The following HERPUD1 variants were observed in gnomAD, a reference collection of about 807,000 sequenced individuals.
HERPUD1 encodes homocysteine-responsive endoplasmic reticulum-resident ubiquitin-like domain member 1 protein.
A neutral mutation model predicts 45.0 loss-of-function variants in HERPUD1; 17 were observed. The ratio of observed to expected loss-of-function variants is 0.38; its 90% CI spans 0.26 to 0.57. The LOEUF is 0.57. Ranked by LOEUF, HERPUD1 falls within the 20% of genes least tolerant of loss-of-function variation. The pLI, the probability that HERPUD1 is intolerant of heterozygous loss-of-function variation, is 0.72. For synonymous variants in HERPUD1, 164 were observed against 177.5 expected (o/e 0.92, Z 0.61); for missense variants, 420 against 490.5 (o/e 0.86, Z 1.36).
Position 56,940,075 on chromosome 16 carries a change from G to T in HERPUD1, c.735G>T (p.Arg245=), listed in dbSNP as rs749924913. Residue 245 remains arginine (R), a synonymous_variant, in exon 6 of 8, where the codon CGG becomes CGT. Transcript: ENST00000439977. ...VVNPGANQNL[R]MNAQGGPIVE... ...ATCCTGGAGCCAATCAAAATTTGCG[G>T]ATGAATGCACAAGGTGGCCCTATTG... is the stretch of plus-strand genomic sequence containing the variant. The T allele has an allele frequency of 6.2e-7, 1 of 1,614,084 alleles. No individual in the cohort carries two copies. Among genetic ancestry groups the T allele is most frequent in the Non-Finnish European group, 8.5e-7 (1 of 1,180,046 alleles).
At chr16:56,939,213 G>A in intron 4 of HERPUD1, 24 bp from the exon 5 acceptor site, 1 of 1,610,602 alleles carries the variant, frequency 6.2e-7, no homozygotes, top group East Asian at 2.2e-5. Context: ...CTCAAAATGA[G>A]TGTTTTTTCA....
rs759345952 is a variant in HERPUD1, at chr16:56,932,283, G to A, written c.39G>A (p.Leu13=). Reference sequence around the variant, plus strand: ...CCGAACCCGAGCCCGTCACGCTCCTGGTGAAGAGCCCCAACCAGCGCCACC... The same window carrying A: ...CCGAACCCGAGCCCGTCACGCTCCTAGTGAAGAGCCCCAACCAGCGCCACC... The part of the protein sequence containing the change: ...SETEPEPVTL[L]VKSPNQRHRD... The change falls in exon 1 of 8, where the codon CTG becomes CTA. Residue 13 remains leucine, a synonymous_variant. Coordinates refer to ENST00000439977, the MANE Select transcript of HERPUD1 (RefSeq NM_014685.4). The A allele has an allele frequency of 4.3e-6, 7 of 1,609,216 alleles. No homozygotes were observed. The South Asian group carries it at 7.7e-5, about 18-fold the overall frequency.
intron 1 of HERPUD1, among the ~76,000 whole-genome samples, chr16:56,934,567 G>A (rs968255394): frequency 1.1e-4 from 17 of 152,040 alleles, no homozygotes; most frequent in African/African-American, 3.9e-4. Flanking sequence ...GGCTGGCCTT[G>A]GGAGTTCTCT....
At chr16:56,937,021 A>C (rs2055872110) in intron 4 of HERPUD1, 3 of 418,564 alleles carry the variant, frequency 7.2e-6, no homozygotes, top group East Asian at 4.1e-5. Flanking sequence ...AAATTTAAAA[A>C]GTAGGTAATG....
In HERPUD1 at chr16:56,944,085, A is replaced by C. The variant is rs1198511285; in HGVS notation, c.*795A>C. 6.5e-6 allele frequency: 1 copy of C among 154,588 alleles called. No individual in the cohort carries two copies. The highest frequency in any genetic ancestry group is 1.4e-5 in the Non-Finnish European group (1 of 69,486). The allele number at this position is 154,588 out of a possible 1,614,324, so 9.6% of individuals were successfully genotyped here. The stretch of plus-strand genomic sequence containing the variant: ...GGTCTTGCTTTGTTCCTTGGGCCAG[A>C]GTACATTGGCTACTCACAAGTGGGC... On this transcript the variant is annotated 3_prime_UTR_variant, in exon 8 of 8. Coordinates refer to ENST00000439977, the MANE Select transcript of HERPUD1 (RefSeq NM_014685.4).
At chr16:56,941,581 G>T (rs1482340958) in intron 6 of HERPUD1, 1 of 152,018 alleles carries the variant, frequency 6.6e-6, no homozygotes, top group African/African-American at 2.4e-5. Flanking sequence ...TAGTAAAAAT[G>T]GATTTTTATT....
At position 56,936,730 on chromosome 16, in the gene HERPUD1, A is replaced by G. The variant is rs1374749982; in HGVS notation, c.344A>G (p.Gln115Arg). 9 of 1,613,816 alleles carry G rather than the reference A, an allele frequency of 5.6e-6. No individual in the cohort carries two copies. The highest frequency in any genetic ancestry group is 5.3e-5 in the African/African-American group (4 of 74,924). The change falls in exon 4 of 8, where the codon CAG (glutamine) becomes CGG (arginine). Residue 115 changes from glutamine (Q) to arginine (R), a missense_variant. Gln to Arg is a conservative substitution (Grantham distance 43). Coordinates refer to ENST00000439977, the MANE Select transcript of HERPUD1 (RefSeq NM_014685.4). Reference protein sequence around the residue: ...TEEPAGSNRGQYPEDSSSDGL... With the variant: ...TEEPAGSNRGRYPEDSSSDGL... ...GAGCCTGCTGGTTCTAATCGGGGAC[A>G]GTATCCTGAGGATTCCTCAAGTGAT...
In HERPUD1 at chr16:56,944,744, A is replaced by C. The variant is rs549275796; in HGVS notation, c.*1454A>C. The C allele has an allele frequency of 6.6e-6, 1 of 152,246 alleles. No individual in the cohort carries two copies. The highest frequency in any genetic ancestry group is 2.4e-5 in the African/African-American group (1 of 41,446). 9.4% of individuals were successfully genotyped at this position (152,246 alleles called of 1,614,324 possible). On this transcript the variant is annotated 3_prime_UTR_variant, in exon 8 of 8. Transcript: ENST00000439977. ...CGGCCTCCCAAAGTGCTGGGATTACAGATGTGAGCCACCGCACCCAGCCAG... is the reference window on the plus strand; with the variant it reads ...CGGCCTCCCAAAGTGCTGGGATTACCGATGTGAGCCACCGCACCCAGCCAG...
chr16:56,935,513 A>T, intron 3 of HERPUD1, 38 bp downstream of exon 3: 1 of 1,543,274 alleles, frequency 6.5e-7, no homozygotes, highest in East Asian at 2.2e-5. Context: ...AATTTGTATC[A>T]TTCAGACTTT....
chr16:56,935,566 G>A, intron 3 of HERPUD1, 91 bp downstream of exon 3: 1 of 1,044,640 alleles, frequency 9.6e-7, no homozygotes, highest in East Asian at 2.4e-5. Flanking sequence ...TTTATTGAGA[G>A]ACTGTATGGT....
At chr16:56,940,644 T>C (rs1254666917) in intron 6 of HERPUD1, among the ~76,000 whole-genome samples, 1 of 149,662 alleles carries the variant, frequency 6.7e-6, no homozygotes, top group African/African-American at 2.4e-5. Context: ...TCAGTTACTG[T>C]AGAAGGAGAT....
intron 4 of HERPUD1, among the ~76,000 whole-genome samples, chr16:56,938,972 T>G (rs1412652392): frequency 6.6e-6 from 1 of 152,106 alleles, no homozygotes; most frequent in Non-Finnish European, 1.5e-5. Flanking sequence ...CCAAAAAGGT[T>G]GTTTATATAT....
Position 56,943,432 on chromosome 16 carries a change from A to C in HERPUD1, c.*142A>C. On this transcript the variant is annotated 3_prime_UTR_variant, in exon 8 of 8. Coordinates refer to ENST00000439977, the MANE Select transcript of HERPUD1 (RefSeq NM_014685.4). ...TGATGATATGCTTTTGTGAGCAAGC[A>C]AAAGCAGAAACGTGAAGCCGTGATA... 1 of 982,790 alleles carries C rather than the reference A, an allele frequency of 1.0e-6. No homozygotes were observed. Among genetic ancestry groups the C allele is most frequent in the East Asian group, 2.4e-5 (1 of 41,572 alleles). 60.9% of individuals were successfully genotyped at this position (982,790 alleles called of 1,614,324 possible). A position where few individuals can be genotyped will look rare whatever the true frequency, so the allele number is the denominator to read the frequency against.
At chr16:56,934,832 C>T (rs1232542845) in intron 1 of HERPUD1, 1 of 192,646 alleles carries the variant, frequency 5.2e-6, no homozygotes, top group African/African-American at 2.4e-5. Flanking sequence ...CTGCCTCAGC[C>T]TCCTGAGTAG....
intron 4 of HERPUD1, among the ~76,000 whole-genome samples, chr16:56,938,772 C>G (rs993846397): frequency 1.1e-4 from 16 of 152,034 alleles, no homozygotes; most frequent in Admixed American, 1.0e-3. Flanking sequence ...CAGGTGATAC[C>G]ACATGCACAC....
chr16:56,933,135 GTAT>G, intron 1 of HERPUD1: 2 of 394,648 alleles, frequency 5.1e-6, no homozygotes, highest in South Asian at 3.8e-5. Flanking sequence ...GGCCCTTCCT[GTAT>G]TTACTTTCTG....
At chr16:56,940,460 CCAT>C in intron 6 of HERPUD1, 1 of 506,266 alleles carries the variant, frequency 2.0e-6, no homozygotes, top group Non-Finnish European at 3.5e-6. Flanking sequence ...GCGCCCACCA[CCAT>C]GCCTGGCTAA....
rs1384542979 is a variant in HERPUD1 at position 56,939,165 on chromosome 16, A to C, written c.432-72A>C. The C allele has an allele frequency of 6.6e-6, 10 of 1,512,880 alleles. No homozygotes were observed. In the African/African-American group the frequency reaches 1.3e-4, roughly 19 times the overall value. The allele number at this position is 1,512,880 out of a possible 1,614,324, so 93.7% of individuals were successfully genotyped here. ...CTCTTCGATTTGAATTCTTGATTTT[A>C]ATTTAAACTTAGTTTTCATTTGTTC... On this transcript the variant is annotated intron_variant, in intron 4 of 7. Coordinates refer to ENST00000439977, the MANE Select transcript of HERPUD1 (RefSeq NM_014685.4).
intron 4 of HERPUD1, among the ~76,000 whole-genome samples, chr16:56,938,983 CTG>C (rs2144822264): frequency 6.6e-6 from 1 of 152,258 alleles, no homozygotes; most frequent in Admixed American, 6.5e-5. Context: ...GTTTATATAT[CTG>C]TGCACTCAGC....
Sources: allele counts gnomAD v4.1 joint callset (sites outside exome capture counted in the v4.1 genomes callset), GRCh38; gene constraint gnomAD v4.1.1; transcripts MANE v1.5; gene names NCBI Gene and HGNC (gene_info 2026-07-23, HGNC 2026-07-21).